UCHL1: variants seen among roughly 807,000 people sequenced by gnomAD.
UCHL1 encodes the protein ubiquitin carboxyl-terminal hydrolase isozyme L1.
UCHL1 carries 5 observed loss-of-function variants against 33.3 expected under a neutral mutation model. The ratio of observed to expected loss-of-function variants is 0.15; its 90% CI spans 0.08 to 0.32. The LOEUF is 0.32. UCHL1 is among the 10% of genes least tolerant of loss of function. The pLI, the probability that UCHL1 is intolerant of heterozygous loss-of-function variation, is 1.00. For synonymous variants in UCHL1, 132 were observed against 108.8 expected (o/e 1.21, Z -1.33); for missense variants, 236 against 280.0 (o/e 0.84, Z 1.12).
intron 8 of UCHL1, among the ~76,000 whole-genome samples, chr4:41,267,364 C>A (rs1209826833): frequency 1.3e-5 from 2 of 152,218 alleles, no homozygotes; most frequent in African/African-American, 4.8e-5. Flanking sequence ...CTGCCTTAGC[C>A]TCTCAGAGTA....
intron 4 of UCHL1, 94 bp downstream of exon 4, chr4:41,260,891 C>T: frequency 1.3e-6 from 2 of 1,547,662 alleles, no homozygotes; most frequent in Non-Finnish European, 1.8e-6. Context: ...GATGCTGTAC[C>T]TTTTGAAACC....
Position 41,259,388 on chromosome 4 carries a change from G to A in UCHL1, c.175-1259G>A, listed in dbSNP as rs146738556. 7.6e-4 allele frequency among the ~76,000 whole-genome samples: 115 copies of A among 152,314 alleles called. 1 individual carries two copies. Among genetic ancestry groups the A allele is most frequent in the Non-Finnish European group, 1.3e-3 (89 of 68,016 alleles). ...TGGAAGAGCTCAAGCAGCCCTAAAG[G>A]ATGGTGCTATCCCATTTTAACATTT... On this transcript the variant is annotated intron_variant, in intron 3 of 8. Transcript: ENST00000284440.
chr4:41,260,751 C>G lies in UCHL1; in HGVS notation c.279C>G (p.Ile93Met), dbSNP rs121917767. 3 of 1,614,054 alleles carry G rather than the reference C, an allele frequency of 1.9e-6. No individual in the cohort carries two copies. The highest frequency in any genetic ancestry group is 2.5e-6 in the Non-Finnish European group (3 of 1,180,048). Residue 93 changes from isoleucine to methionine, a missense_variant, in exon 4 of 9, where the codon ATC becomes ATG. Physicochemically the swap from Ile to Met is conservative, Grantham distance 10. Transcript: ENST00000284440. ...KQTIGNSCGT[I>M]GLIHAVANNQ... ...CCATTGGGAATTCCTGTGGCACAATCGGACTTATTCACGCAGTGGCCAATA... is the reference window on the plus strand; with the variant it reads ...CCATTGGGAATTCCTGTGGCACAATGGGACTTATTCACGCAGTGGCCAATA...
chr4:41,267,525 C>T (rs774423287), intron 8 of UCHL1, among the ~76,000 whole-genome samples: 6 of 152,096 alleles, frequency 3.9e-5, no homozygotes, highest in African/African-American at 1.2e-4. Context: ...GGATTACAGG[C>T]GTGAGCCACT....
chr4:41,257,299 C>A, intron 2 of UCHL1, 173 bp downstream of exon 2: 2 of 1,147,552 alleles, frequency 1.7e-6, no homozygotes, highest in Non-Finnish European at 2.4e-6. Context: ...TAGCGGGTGA[C>A]TCTACGAAAC....
Position 41,257,141 on chromosome 4 carries a change from G to T in UCHL1, c.45+15G>T. The T allele has an allele frequency of 1.2e-6, 2 of 1,612,296 alleles. No homozygotes were observed. Among genetic ancestry groups the T allele is most frequent in the Non-Finnish European group, 1.7e-6 (2 of 1,179,824 alleles). ...TGCTGAACAAAGTGAGTGGCGTCTC[G>T]CGCCGTCTCTGGCCCCCTCCCCCGC... On this transcript the variant is annotated intron_variant, in intron 2 of 8. Transcript: ENST00000284440.
rs1038091033 is a variant in UCHL1, at chr4:41,257,369, C to G, written c.46-240C>G. ...GGCGAGCGAGCGCCAGGCGGAGCTCCCGAGGGCGTGGCGCGGGCAGCACAG... is the reference window on the plus strand; with the variant it reads ...GGCGAGCGAGCGCCAGGCGGAGCTCGCGAGGGCGTGGCGCGGGCAGCACAG... On this transcript the variant is annotated intron_variant, in intron 2 of 8. Coordinates refer to ENST00000284440, the MANE Select transcript of UCHL1 (RefSeq NM_004181.5). 8.9e-6 allele frequency: 8 copies of G among 902,990 alleles called. No individual in the cohort carries two copies. The African/African-American group carries it at 1.4e-4, about 16-fold the overall frequency. 55.9% of individuals were successfully genotyped at this position (902,990 alleles called of 1,614,324 possible). A position where few individuals can be genotyped will look rare whatever the true frequency, so the allele number is the denominator to read the frequency against.
chr4:41,257,922 C>A (rs1400070150), intron 3 of UCHL1, among the ~76,000 whole-genome samples, 185 bp downstream of exon 3: 1 of 152,184 alleles, frequency 6.6e-6, no homozygotes, highest in Non-Finnish European at 1.5e-5. Context: ...CGGTGCCTGT[C>A]GCCTTCTTGC....
At chr4:41,263,671 G>GT (rs1781108839) in intron 7 of UCHL1, among the ~76,000 whole-genome samples, 1 of 152,198 alleles carries the variant, frequency 6.6e-6, no homozygotes, top group South Asian at 2.1e-4. Flanking sequence ...AGAAAGACTT[G>GT]TAACTCTTGT....
chr4:41,261,994 A>G (rs2154087221), intron 6 of UCHL1, 71 bp downstream of exon 6: 4 of 1,583,394 alleles, frequency 2.5e-6, no homozygotes, highest in Middle Eastern at 3.6e-4. Context: ...TTGTGCAGGA[A>G]TCTCTTACTG....
At chr4:41,259,868 G>A (rs1267184375) in intron 3 of UCHL1, among the ~76,000 whole-genome samples, 2 of 152,216 alleles carry the variant, frequency 1.3e-5, no homozygotes, top group Admixed American at 1.3e-4. Flanking sequence ...AAGCTAGTTA[G>A]TGAAAAGTCC....
intron 3 of UCHL1, among the ~76,000 whole-genome samples, chr4:41,258,942 G>C (rs1466611704): frequency 6.6e-6 from 1 of 152,236 alleles, no homozygotes; most frequent in Non-Finnish European, 1.5e-5. Flanking sequence ...GCATCACACA[G>C]AGGTTTTTTA....
intron 3 of UCHL1, among the ~76,000 whole-genome samples, chr4:41,259,388 GATGGTGCTATCCC>G (rs1173359669): frequency 2.0e-5 from 3 of 152,196 alleles, no homozygotes; most frequent in African/African-American, 7.2e-5. Flanking sequence ...AGCCCTAAAG[GATGGTGCTATCCC>G]ATTTTAACAT....
At chr4:41,266,235 T>TTTG (rs1561082741) in intron 8 of UCHL1, among the ~76,000 whole-genome samples, 3 of 151,554 alleles carry the variant, frequency 2.0e-5, no homozygotes, top group Non-Finnish European at 4.4e-5. Flanking sequence ...ACTTTTTTTT[T>TTTG]TTTTTTTTTT....
intron 8 of UCHL1, among the ~76,000 whole-genome samples, chr4:41,265,304 T>C (rs1960270): frequency 0.19 from 29,548 of 152,198 alleles, 3,426 homozygotes; most frequent in East Asian, 0.52. Context: ...TCTGGCAAGG[T>C]GCAGTGGCTC....
At chr4:41,263,587 A>G (rs1406093924) in intron 7 of UCHL1, among the ~76,000 whole-genome samples, 60 of 152,214 alleles carry the variant, frequency 3.9e-4, no homozygotes, top group Admixed American at 3.9e-3. Flanking sequence ...ATGTTGGAAT[A>G]ACTTCTATTA....
At chr4:41,261,684 C>T (rs1036219653) in intron 4 of UCHL1, 31 bp from the exon 5 acceptor site, 2 of 1,599,226 alleles carry the variant, frequency 1.3e-6, no homozygotes, top group Non-Finnish European at 8.5e-7. Flanking sequence ...TATTATTTTA[C>T]CTATACTAAC....
At chr4:41,267,930 G>A in intron 8 of UCHL1, 57 bp from the exon 9 acceptor site, 1 of 1,492,368 alleles carries the variant, frequency 6.7e-7, no homozygotes. Flanking sequence ...CTTTCCCTAT[G>A]TGACTTTCAT....
intron 2 of UCHL1, 66 bp downstream of exon 2, chr4:41,257,192 G>A (rs1023912255): frequency 3.7e-6 from 6 of 1,609,684 alleles, no homozygotes; most frequent in Non-Finnish European, 5.1e-6. Flanking sequence ...GGCGCCCACC[G>A]GTTCCGGCTG....
Sources: gnomAD v4.1 joint callset for allele counts (sites outside exome capture counted in the v4.1 genomes callset) on GRCh38, gnomAD v4.1.1 for gene constraint, MANE v1.5 for transcripts, NCBI Gene and HGNC (gene_info 2026-07-23, HGNC 2026-07-21) for gene names.